IQCE: variants seen among roughly 807,000 people sequenced by gnomAD.
IQCE encodes IQ motif containing E, also known as IQ domain-containing protein E.
IQCE carries 115 observed loss-of-function variants against 96.0 expected under a neutral mutation model. The ratio of observed to expected loss-of-function variants is 1.20; its 90% CI spans 1.03 to 1.40. IQCE has a LOEUF of 1.40. Ranked by LOEUF, IQCE falls within the 40% of genes most tolerant of loss-of-function variation. The pLI is 0.00. For missense variants in IQCE, 1,041 were observed against 909.1 expected, an observed-to-expected ratio of 1.15 and a Z score of -1.87; for synonymous variants, 412 against 371.2, an observed-to-expected ratio of 1.11 and a Z score of -1.26.
intron 21 of IQCE, 65 bp downstream of exon 21, chr7:2,607,292 T>C (rs1213304664): frequency 2.5e-6 from 4 of 1,605,286 alleles, no homozygotes; most frequent in Non-Finnish European, 3.4e-6. Flanking sequence ...AGCCAAAGAG[T>C]GGCCACCTCC....
At chr7:2,596,583 G>A (rs1291147365) in intron 16 of IQCE, among the ~76,000 whole-genome samples, 1 of 152,224 alleles carries the variant, frequency 6.6e-6, no homozygotes, top group East Asian at 1.9e-4. Flanking sequence ...ACATGGGAAT[G>A]ATTAATTGTA....
At chr7:2,587,680 AGCCAGGACCTGTCGGTG>A in intron 12 of IQCE, 125 bp from the exon 13 acceptor site, 2 of 784,698 alleles carry the variant, frequency 2.5e-6, no homozygotes, top group Non-Finnish European at 4.3e-6. Context: ...ATTCTCTGGT[AGCCAGGACCTGTCGGTG>A]TGGCTCTGCA....
chr7:2,593,168 C>T (rs140094507), intron 15 of IQCE, 42 bp downstream of exon 15: 16,321 of 1,573,240 alleles, frequency 0.01, 119 homozygotes, highest in Non-Finnish European at 0.013. Context: ...CCAGGCGAGT[C>T]CGCACTCCTG....
chr7:2,564,208 C>T (rs2128427523), intron 1 of IQCE, among the ~76,000 whole-genome samples: 1 of 151,236 alleles, frequency 6.6e-6, no homozygotes, highest in Middle Eastern at 3.5e-3. Flanking sequence ...CAAGACTCCA[C>T]CTCAAAAAAA....
chr7:2,609,311 CT>C (rs58620813), intron 21 of IQCE, among the ~76,000 whole-genome samples: 2,414 of 139,858 alleles, frequency 0.017, 40 homozygotes, highest in African/African-American at 0.054. Flanking sequence ...GGGAAGTTGG[CT>C]TTTTTTTTTT....
intron 15 of IQCE, 100 bp downstream of exon 15, chr7:2,593,226 T>G: frequency 6.8e-7 from 1 of 1,475,812 alleles, no homozygotes; most frequent in Non-Finnish European, 9.1e-7. Flanking sequence ...GCCAGCCGGC[T>G]TCTTAGAAAG....
At chr7:2,568,869 C>T (rs1386441840) in intron 2 of IQCE, 85 bp from the exon 3 acceptor site, 9 of 1,281,808 alleles carry the variant, frequency 7.0e-6, no homozygotes, top group Middle Eastern at 3.7e-4. Flanking sequence ...TACACGACCC[C>T]TGACCCTTTC....
rs772773045 is a variant in IQCE, at chr7:2,578,474, A to G, written c.580-2A>G. ...CTTCATGTCTCAATCTGCTTACCAC[A>G]GGGCACGGATTTTGTTCGGACTCTG... is the stretch of plus-strand genomic sequence containing the variant. On this transcript the variant is annotated splice_acceptor_variant, in intron 7 of 21. Coordinates refer to ENST00000402050, the MANE Select transcript of IQCE (RefSeq NM_152558.5). LOFTEE classifies it high-confidence loss of function. 1.9e-6 allele frequency: 3 copies of G among 1,614,134 alleles called. No homozygotes were observed. Among genetic ancestry groups the G allele is most frequent in the Non-Finnish European group, 2.5e-6 (3 of 1,180,012 alleles).
rs1170573296 is a variant in IQCE at position 2,580,295 on chromosome 7, A to C, written c.630+1769A>C. Reference sequence around the variant, plus strand: ...AGTGATAGATTTTAGAGCATAGCCAAAAAAAAAAAAAAAGATTTTAAAAGT... The same window carrying C: ...AGTGATAGATTTTAGAGCATAGCCACAAAAAAAAAAAAAGATTTTAAAAGT... On this transcript the variant is annotated intron_variant, in intron 8 of 21. Transcript: ENST00000402050. 4 of 139,390 alleles carry C rather than the reference A, an allele frequency of 2.9e-5. No individual in the cohort carries two copies. The East Asian group carries it at 5.9e-4, about 20-fold the overall frequency. 8.6% of individuals were successfully genotyped at this position (139,390 alleles called of 1,614,324 possible).
intron 2 of IQCE, 104 bp downstream of exon 2, chr7:2,567,267 C>G: frequency 2.2e-6 from 2 of 895,612 alleles, no homozygotes; most frequent in Non-Finnish European, 1.8e-6. Flanking sequence ...AATACTGTGT[C>G]GAGAGCTGGA....
intron 20 of IQCE, among the ~76,000 whole-genome samples, chr7:2,606,626 G>A (rs1309189675): frequency 2.0e-5 from 3 of 151,630 alleles, no homozygotes; most frequent in South Asian, 2.1e-4. Context: ...GTGGAGCCGC[G>A]CGGCCACCCA....
At chr7:2,562,990 A>G (rs555345648) in intron 1 of IQCE, among the ~76,000 whole-genome samples, 64 of 152,238 alleles carry the variant, frequency 4.2e-4, no homozygotes, top group African/African-American at 1.4e-3. Context: ...CAGTGGCACA[A>G]TCACAGCTCC....
chr7:2,606,040 A>G (rs775010127), intron 20 of IQCE, 43 bp downstream of exon 20: 2 of 1,571,814 alleles, frequency 1.3e-6, no homozygotes, highest in Non-Finnish European at 1.7e-6. Context: ...ACATGGCACG[A>G]GAGGCTGCCC....
rs1327574108 is a variant in IQCE at position 2,607,566 on chromosome 7, CT to C, written c.1969+342del. On this transcript the variant is annotated intron_variant, in intron 21 of 21. Coordinates refer to ENST00000402050, the MANE Select transcript of IQCE (RefSeq NM_152558.5). ...AACCGTGTTATTGTTTCCTTTTCTA[CT>C]TTGTTAAAGTCCAAAAACAGTCAGT... The C allele has an allele frequency of 1.8e-5, 22 of 1,246,660 alleles. No homozygotes were observed. The African/African-American group carries it at 2.5e-4, about 14-fold the overall frequency. 77.2% of individuals were successfully genotyped at this position (1,246,660 alleles called of 1,614,324 possible). A position where few individuals can be genotyped will look rare whatever the true frequency, so the allele number is the denominator to read the frequency against.
At chr7:2,589,557 A>G (rs1382618875) in intron 13 of IQCE, among the ~76,000 whole-genome samples, 8 of 152,126 alleles carry the variant, frequency 5.3e-5, no homozygotes, top group Non-Finnish European at 1.0e-4. Context: ...GACTGAAAGC[A>G]TGAAGGCTGA....
At chr7:2,565,938 TATC>T (rs545878536) in intron 1 of IQCE, among the ~76,000 whole-genome samples, 159 of 152,380 alleles carry the variant, frequency 1.0e-3, no homozygotes, top group African/African-American at 3.6e-3. Context: ...TTATCCATGT[TATC>T]ATGCAGCCAG....
At chr7:2,602,870 T>G (rs892271566) in intron 18 of IQCE, among the ~76,000 whole-genome samples, 35 of 152,294 alleles carry the variant, frequency 2.3e-4, no homozygotes, top group Middle Eastern at 3.4e-3. Flanking sequence ...GCAGCTGCAG[T>G]GGGAGCATGT....
intron 11 of IQCE, 130 bp downstream of exon 11, chr7:2,584,415 A>C: frequency 1.2e-6 from 1 of 846,102 alleles, no homozygotes; most frequent in African/African-American, 1.7e-5. Flanking sequence ...CCAACACTGC[A>C]CCTGTTCTGT....
intron 6 of IQCE, among the ~76,000 whole-genome samples, chr7:2,577,711 C>T (rs1196415681): frequency 5.0e-5 from 4 of 80,300 alleles, no homozygotes; most frequent in East Asian, 3.2e-4. Flanking sequence ...CGTGGCTGTG[C>T]GCGCGGGGAC....
Sources: allele counts gnomAD v4.1 joint callset (sites outside exome capture counted in the v4.1 genomes callset), GRCh38; gene constraint gnomAD v4.1.1; transcripts MANE v1.5; gene names NCBI Gene and HGNC (gene_info 2026-07-23, HGNC 2026-07-21).